Variants in PDE4DIP observed in about 807,000 individuals in gnomAD.
The protein encoded by PDE4DIP is myomegalin.
PDE4DIP carries 59 observed loss-of-function variants against 221.4 expected under a neutral mutation model. The observed-to-expected ratio is 0.27, with a 90% CI of 0.22 to 0.33. The LOEUF (loss-of-function observed/expected upper bound fraction) is 0.33, where lower values mean the gene tolerates loss of function less well. PDE4DIP is among the 10% of genes least tolerant of loss of function. The pLI is 1.00. For missense variants in PDE4DIP, 1,036 were observed against 2,154.2 expected, an observed-to-expected ratio of 0.48 and a Z score of 10.28; for synonymous variants, 404 against 815.9, an observed-to-expected ratio of 0.50 and a Z score of 8.60.
intron 32 of PDE4DIP, among the ~76,000 whole-genome samples, chr1:149,013,262 G>A (rs1413775711): frequency 3.4e-5 from 5 of 148,920 alleles, no homozygotes; most frequent in African/African-American, 1.2e-4. Context: ...AATGATAGAG[G>A]GATTCAGAAG....
intron 21 of PDE4DIP, chr1:148,984,384 C>A (rs2061565363): frequency 6.6e-6 from 1 of 152,128 alleles, no homozygotes; most frequent in Non-Finnish European, 1.5e-5. Flanking sequence ...TTATATATAG[C>A]AAGAGATCTA....
At chr1:149,015,905 G>A (rs76860487) in intron 32 of PDE4DIP, among the ~76,000 whole-genome samples, 4 of 151,094 alleles carry the variant, frequency 2.6e-5, no homozygotes, top group Admixed American at 6.6e-5. Context: ...ACAGATGTTC[G>A]TGTTCACAGG....
At position 148,844,120 on chromosome 1, in the gene PDE4DIP, C is replaced by T. The variant is rs1473837795; in HGVS notation, c.234-19130C>T. Among the ~76,000 whole-genome samples the T allele has an allele frequency of 7.6e-5, 4 of 52,962 alleles. No homozygotes were observed. The Admixed American group carries it at 8.4e-4, about 11-fold the overall frequency. The allele number at this position is 52,962 out of a possible 152,430, so 34.7% of individuals were successfully genotyped here. On this transcript the variant is annotated intron_variant, in intron 1 of 45. Coordinates refer to the PDE4DIP transcript ENST00000524974. Reference sequence around the variant, plus strand: ...GACTCCATCTCTGGCTCTGGGGTTACCTGTGGGTGGGGCGATGCAGACACA... The same window carrying T: ...GACTCCATCTCTGGCTCTGGGGTTATCTGTGGGTGGGGCGATGCAGACACA...
intron 43 of PDE4DIP, chr1:149,030,714 A>T (rs1553636297): frequency 1.0e-6 from 1 of 984,802 alleles, no homozygotes; most frequent in African/African-American, 1.7e-5. Flanking sequence ...AACTGATTTC[A>T]CTGCACATTC....
At chr1:148,925,739 C>T (rs1553465358) in intron 1 of PDE4DIP, among the ~76,000 whole-genome samples, 1 of 149,012 alleles carries the variant, frequency 6.7e-6, no homozygotes, top group East Asian at 2.0e-4. Context: ...TGCACATTGT[C>T]TCATTCAATC....
At chr1:149,030,029 G>A (rs1190392869) in intron 42 of PDE4DIP, 104 bp downstream of exon 45, 7 of 731,096 alleles carry the variant, frequency 9.6e-6, no homozygotes, top group Non-Finnish European at 1.3e-5. Context: ...GATGTTGGGA[G>A]TTGAGACTGA....
chr1:148,836,362 TCCCTGAC>T (rs1308388138), intron 1 of PDE4DIP, among the ~76,000 whole-genome samples: 1 of 147,920 alleles, frequency 6.8e-6, no homozygotes, highest in African/African-American at 2.4e-5. Context: ...GAAAGGGAAT[TCCCTGAC>T]CCCTTGTGCC....
rs192318599 is a variant in PDE4DIP, at chr1:148,986,822, A to T, written c.2816-5063A>T. Among the ~76,000 whole-genome samples the T allele has an allele frequency of 2.1e-4, 32 of 152,298 alleles. 1 individual carries two copies. Among genetic ancestry groups the T allele is most frequent in the Admixed American group, 1.8e-3 (27 of 15,300 alleles). ...GGTAGTGCTGTCTCTAAACATTCCTAGAAAAACCTATTTCTCGTTTTCTTT... is the reference window on the plus strand; with the variant it reads ...GGTAGTGCTGTCTCTAAACATTCCTTGAAAAACCTATTTCTCGTTTTCTTT... On this transcript the variant is annotated intron_variant, in intron 21 of 43. Coordinates refer to ENST00000369354, the Ensembl canonical transcript of PDE4DIP.
intron 38 of PDE4DIP, chr1:149,025,976 T>G (rs1471827557): frequency 6.6e-6 from 1 of 151,772 alleles, no homozygotes; most frequent in Non-Finnish European, 1.5e-5. Context: ...GGTGTTCAGT[T>G]ATGTCTCCAA....
intron 43 of PDE4DIP, among the ~76,000 whole-genome samples, chr1:149,031,446 A>T (rs1443198600): frequency 2.6e-5 from 4 of 152,136 alleles, no homozygotes; most frequent in Admixed American, 2.6e-4. Context: ...TCAAAGATGG[A>T]ACTGGACTTA....
At position 148,961,698 on chromosome 1, in the gene PDE4DIP, G is replaced by C. The variant is rs1472375416; in HGVS notation, c.769-139G>C. 3 of 556,224 alleles carry C rather than the reference G, an allele frequency of 5.4e-6. No homozygotes were observed. The Admixed American group carries it at 8.9e-5, about 17-fold the overall frequency. 34.5% of individuals were successfully genotyped at this position (556,224 alleles called of 1,614,324 possible). ...TTGCTGATTGACTTACCACTTTAAT[G>C]GTTACTCTATGTAGGAAAAATAACA... On this transcript the variant is annotated intron_variant, in intron 6 of 43. Coordinates refer to ENST00000369354, the Ensembl canonical transcript of PDE4DIP.
At chr1:148,977,995 A>T in exon 18 of PDE4DIP, 1 of 1,614,168 alleles carries the variant, frequency 6.2e-7, no homozygotes, top group Middle Eastern at 1.6e-4. Context: ...CTGCAGGTGC[A>T]GGCTGCTGAT....
chr1:148,912,048 G>A lies in PDE4DIP; in HGVS notation c.142-17149G>A, dbSNP rs142019215. Among the ~76,000 whole-genome samples, 124 of 146,576 alleles carry A rather than the reference G, an allele frequency of 8.5e-4. 12 individuals are homozygous for A. Among genetic ancestry groups the A allele is most frequent in the African/African-American group, 2.9e-3 (114 of 38,752 alleles). ...CACAAGGGCACAAACACCAAGAGGCGGGGATCATGGGGAGCCACACGGTAG... is the reference window on the plus strand; with the variant it reads ...CACAAGGGCACAAACACCAAGAGGCAGGGATCATGGGGAGCCACACGGTAG... On this transcript the variant is annotated intron_variant, in intron 1 of 43. Coordinates refer to ENST00000369354, the Ensembl canonical transcript of PDE4DIP.
intron 27 of PDE4DIP, chr1:149,006,244 AAC>A (rs2067006607): frequency 6.6e-6 from 1 of 152,122 alleles, no homozygotes. Flanking sequence ...TAGTGTTGAA[AAC>A]ACAGACATTC....
chr1:148,929,311 C>A (rs1331737380), intron 2 of PDE4DIP, 38 bp downstream of exon 5: 4 of 1,550,934 alleles, frequency 2.6e-6, no homozygotes, highest in African/African-American at 1.4e-5. Context: ...TTTCCAGAGT[C>A]TGTCTTACTA....
chr1:148,941,908 C>T (rs2050628306), intron 5 of PDE4DIP: 1 of 151,868 alleles, frequency 6.6e-6, no homozygotes, highest in Non-Finnish European at 1.5e-5. Flanking sequence ...AAGCTCTGGG[C>T]CTGTTCTTCA....
At chr1:149,009,618 C>G (rs782300966) in exon 30 of PDE4DIP, 1 of 1,613,868 alleles carries the variant, frequency 6.2e-7, no homozygotes, top group Admixed American at 1.7e-5. Context: ...GTCCTGCAGG[C>G]CAAGCTGGAT....
chr1:149,000,205 A>G (rs1217984739), intron 23 of PDE4DIP, among the ~76,000 whole-genome samples: 1 of 152,150 alleles, frequency 6.6e-6, no homozygotes, highest in Non-Finnish European at 1.5e-5. Flanking sequence ...CAAGTTGTGA[A>G]TTACCCATTT....
intron 32 of PDE4DIP, 28 bp downstream of exon 35, chr1:149,012,804 C>A (rs377663403): frequency 1.3e-5 from 18 of 1,409,860 alleles, no homozygotes; most frequent in Non-Finnish European, 1.7e-5. Context: ...TGTGTGCTTG[C>A]GATTGGCAGC....
Sources: allele counts gnomAD v4.1 joint callset (sites outside exome capture counted in the v4.1 genomes callset), GRCh38; gene constraint gnomAD v4.1.1; transcripts MANE v1.5; gene names NCBI Gene and HGNC (gene_info 2026-07-23, HGNC 2026-07-21).